RANBP2: variants seen among roughly 807,000 people sequenced by gnomAD.
RANBP2 encodes the protein E3 SUMO-protein ligase RanBP2.
Under a neutral mutation model 303.6 loss-of-function variants are expected in RANBP2, and 57 were observed. The ratio of observed to expected loss-of-function variants is 0.19; its 90% CI spans 0.15 to 0.23. The LOEUF (loss-of-function observed/expected upper bound fraction) is 0.23, where lower values mean the gene tolerates loss of function less well. RANBP2 is among the 10% of genes least tolerant of loss of function. The probability of loss-of-function intolerance (pLI) is 1.00; values close to 1 mark genes in which losing one functional copy is unlikely to be tolerated. For missense variants in RANBP2, 3,138 were observed against 3,780.8 expected, an observed-to-expected ratio of 0.83 and a Z score of 4.46; for synonymous variants, 1,167 against 1,301.5, an observed-to-expected ratio of 0.90 and a Z score of 2.23.
chr2:109,141,574 C>T, the RANBP2 span: 2 of 154,932 alleles, frequency 1.3e-5, no homozygotes, highest in Admixed American at 1.3e-4. Context: ...TAGGCTGAAG[C>T]TCCAACCCAC....
the RANBP2 span, chr2:109,615,521 C>T: frequency 1.2e-6 from 2 of 1,613,898 alleles, no homozygotes; most frequent in East Asian, 2.2e-5. Context: ...GTTACACCGC[C>T]CTGCACTTGG....
chr2:108,793,257 C>G, the RANBP2 span, among the ~76,000 whole-genome samples: 4 of 151,790 alleles, frequency 2.6e-5, no homozygotes, highest in Non-Finnish European at 5.9e-5. Flanking sequence ...CCCAGCTGCT[C>G]GGGAGGCGGA....
chr2:108,963,266 A>G, the RANBP2 span, among the ~76,000 whole-genome samples: 1 of 152,200 alleles, frequency 6.6e-6, no homozygotes, highest in Non-Finnish European at 1.5e-5. Context: ...GTAAGCAAAA[A>G]TGATCACGCA....
the RANBP2 span, among the ~76,000 whole-genome samples, chr2:109,238,654 T>A: frequency 6.6e-6 from 1 of 152,120 alleles, no homozygotes; most frequent in African/African-American, 2.4e-5. Context: ...CAGAGTGTGA[T>A]GAATGGAGGA....
At chr2:109,387,948 C>G in the RANBP2 span, among the ~76,000 whole-genome samples, 1 of 152,094 alleles carries the variant, frequency 6.6e-6, no homozygotes, top group Admixed American at 6.5e-5. Context: ...AGATTCCCAA[C>G]CATGCTGAGG....
chr2:109,181,321 CA>C, the RANBP2 span, among the ~76,000 whole-genome samples: 6 of 152,202 alleles, frequency 3.9e-5, no homozygotes, highest in Non-Finnish European at 7.3e-5. Context: ...CAAAACTAAG[CA>C]ATTAACATGG....
chr2:108,973,174 G>A, the RANBP2 span, among the ~76,000 whole-genome samples: 2 of 152,312 alleles, frequency 1.3e-5, no homozygotes, highest in East Asian at 3.9e-4. Flanking sequence ...TTTTAGTAGA[G>A]ATGGGGTTTC....
the RANBP2 span, among the ~76,000 whole-genome samples, chr2:108,817,397 A>G: frequency 6.6e-6 from 1 of 151,558 alleles, no homozygotes; most frequent in South Asian, 2.1e-4. Context: ...GGTTCAAGTG[A>G]TTCTCCTGCC....
At chr2:108,942,612 G>A in the RANBP2 span, among the ~76,000 whole-genome samples, 1 of 152,246 alleles carries the variant, frequency 6.6e-6, no homozygotes, top group Admixed American at 6.5e-5. Context: ...GAGTGAGGCC[G>A]TGAGGCGGGC....
At chr2:109,674,252 A>G in the RANBP2 span, among the ~76,000 whole-genome samples, 133 of 151,922 alleles carry the variant, frequency 8.8e-4, no homozygotes, top group Non-Finnish European at 1.5e-3. Flanking sequence ...CCCCCCCAAA[A>G]TGAAGTAAAA....
the RANBP2 span, among the ~76,000 whole-genome samples, chr2:109,689,196 C>G: frequency 1.3e-5 from 2 of 152,104 alleles, no homozygotes; most frequent in Non-Finnish European, 2.9e-5. Context: ...CGTGAGCCAC[C>G]GTGCCCGGCC....
the RANBP2 span, chr2:108,906,442 G>T: frequency 6.7e-7 from 1 of 1,494,324 alleles, no homozygotes; most frequent in Non-Finnish European, 9.3e-7. Flanking sequence ...CTCCATGTCA[G>T]CAGGGGCAGG....
chr2:109,143,256 A>G, the RANBP2 span, among the ~76,000 whole-genome samples: 2 of 152,352 alleles, frequency 1.3e-5, no homozygotes, highest in African/African-American at 4.8e-5. Context: ...AAGTGAGTCA[A>G]TTTAAAGGAA....
chr2:109,319,378 G>A, the RANBP2 span, among the ~76,000 whole-genome samples: 3 of 152,242 alleles, frequency 2.0e-5, no homozygotes, highest in East Asian at 1.9e-4. Flanking sequence ...GTGTCTGCCT[G>A]TGGGCTCAGT....
chr2:109,306,699 A>G, the RANBP2 span, among the ~76,000 whole-genome samples: 2 of 152,172 alleles, frequency 1.3e-5, no homozygotes, highest in Admixed American at 6.5e-5. Context: ...ACTGAAGACA[A>G]CTCCAACCTG....
the RANBP2 span, among the ~76,000 whole-genome samples, chr2:109,535,501 G>A: frequency 6.6e-6 from 1 of 152,210 alleles, no homozygotes; most frequent in African/African-American, 2.4e-5. Context: ...GCTGTTTTGA[G>A]TTGTGTAGTT....
At chr2:109,545,867 C>G in the RANBP2 span, 19 of 1,446,904 alleles carry the variant, frequency 1.3e-5, no homozygotes, top group Middle Eastern at 2.6e-4. Flanking sequence ...AGGTGCTGTT[C>G]TGGATGCTGG....
chr2:109,458,572 C>CAGAGAGAGAGAGCGAGAGAGAGAGAGAG, the RANBP2 span, among the ~76,000 whole-genome samples: 1 of 122,978 alleles, frequency 8.1e-6, no homozygotes, highest in African/African-American at 2.7e-5. Context: ...CAGCAGGAGA[C>CAGAGAGAGAGAGCGAGAGAGAGAGAGAG]AGAGAGAGAG....
At chr2:109,090,852 CATT>C in the RANBP2 span, among the ~76,000 whole-genome samples, 1 of 152,054 alleles carries the variant, frequency 6.6e-6, no homozygotes, top group Admixed American at 6.6e-5. Context: ...TTATATATAT[CATT>C]GATTTCCATC....
Sources: allele counts gnomAD v4.1 joint callset (sites outside exome capture counted in the v4.1 genomes callset), GRCh38; gene constraint gnomAD v4.1.1; transcripts MANE v1.5; gene names NCBI Gene and HGNC (gene_info 2026-07-23, HGNC 2026-07-21).